Variants in MRI1 observed in about 807,000 individuals in gnomAD.
MRI1 encodes methylthioribose-1-phosphate isomerase 1, also known as methylthioribose-1-phosphate isomerase.
Under a neutral mutation model 27.3 loss-of-function variants are expected in MRI1, and 32 were observed. That is an observed-to-expected ratio of 1.17 (90% CI 0.88 to 1.57). The LOEUF (loss-of-function observed/expected upper bound fraction) is 1.57, where lower values mean the gene tolerates loss of function less well. Among genes scored for constraint, MRI1 ranks in the 40% most tolerant of loss-of-function variants. The pLI is 0.00. For synonymous variants in MRI1, 216 were observed against 227.4 expected (o/e 0.95, Z 0.45); for missense variants, 508 against 516.1 (o/e 0.98, Z 0.15).
intron 3 of MRI1, among the ~76,000 whole-genome samples, chr19:13,766,857 G>A (rs1032003795): frequency 6.6e-5 from 10 of 151,716 alleles, no homozygotes; most frequent in South Asian, 2.1e-4. Context: ...CAGGGAAGCA[G>A]AAGGAACAGT....
At chr19:13,768,522 C>G in intron 3 of MRI1, 39 bp from the exon 4 acceptor site, 3 of 1,594,250 alleles carry the variant, frequency 1.9e-6, no homozygotes, top group Non-Finnish European at 2.6e-6. Flanking sequence ...CTGTTTGCCC[C>G]TCCCCGGGGC....
At position 13,764,934 on chromosome 19, in the gene MRI1, G is replaced by A; in HGVS notation, c.196G>A (p.Gly66Ser). The A allele has an allele frequency of 2.7e-6, 4 of 1,496,064 alleles. No individual in the cohort carries two copies. The highest frequency in any genetic ancestry group is 3.5e-6 in the Non-Finnish European group (4 of 1,128,306). 92.7% of individuals were successfully genotyped at this position (1,496,064 alleles called of 1,614,324 possible). Residue 66 changes from glycine (G) to serine (S), a missense_variant, in exon 2 of 6, where the codon GGC becomes AGC. Physicochemically the swap from Gly to Ser is moderately conservative, Grantham distance 56. This residue lies in a region of MRI1 where 457 missense variants were observed against 452.8 expected (regional missense o/e 1.01). Transcript: ENST00000040663. ...CLSLAVELQA[G>S]AGGPGLAALV... ...CAGCCTCGCCGTGGAGCTGCAGGCGGGCGCCGGGGGACCGGGACTCGCCGC... is the reference window on the plus strand; with the variant it reads ...CAGCCTCGCCGTGGAGCTGCAGGCGAGCGCCGGGGGACCGGGACTCGCCGC...
intron 5 of MRI1, among the ~76,000 whole-genome samples, chr19:13,770,605 C>T (rs192831093): frequency 6.6e-6 from 1 of 151,618 alleles, no homozygotes; most frequent in East Asian, 1.9e-4. Flanking sequence ...AAAAAAAGGC[C>T]GAGCGCTGTG....
At chr19:13,766,528 G>C (rs576865084) in intron 3 of MRI1, among the ~76,000 whole-genome samples, 13 of 152,302 alleles carry the variant, frequency 8.5e-5, no homozygotes, top group African/African-American at 2.9e-4. Flanking sequence ...AGCCAGGGCA[G>C]GACGTGGACT....
chr19:13,769,703 C>G (rs1974229994), intron 5 of MRI1, among the ~76,000 whole-genome samples: 1 of 151,778 alleles, frequency 6.6e-6, no homozygotes, highest in Non-Finnish European at 1.5e-5. Flanking sequence ...GGGCAGATCA[C>G]AAGGTCAGGA....
intron 5 of MRI1, among the ~76,000 whole-genome samples, chr19:13,769,892 C>G (rs1974234268): frequency 6.6e-6 from 1 of 151,604 alleles, no homozygotes; most frequent in Non-Finnish European, 1.5e-5. Flanking sequence ...TGCACTCCAG[C>G]CTGGGCAACA....
At position 13,764,523 on chromosome 19, in the gene MRI1, C is replaced by T. The variant is rs922274666; in HGVS notation, c.-66C>T. ...GGGGGAGGCTCCGCCCACGGCCCCG[C>T]CCCGCTCCCAAGTGCGCGCGGACCC... is the stretch of plus-strand genomic sequence containing the variant. On this transcript the variant is annotated 5_prime_UTR_variant, in exon 1 of 6. Transcript: ENST00000040663. 5 of 1,581,116 alleles carry T rather than the reference C, an allele frequency of 3.2e-6. No homozygotes were observed. In the African/African-American group the frequency reaches 5.4e-5, roughly 17 times the overall value.
In MRI1 at chr19:13,774,219, C is replaced by T. The variant is rs906949110; in HGVS notation, c.*1938C>T. On this transcript the variant is annotated 3_prime_UTR_variant, in exon 6 of 6. Transcript: ENST00000040663. ...AGTCTGAGTTTTTATGTGTAAAGATCATAAAACGTTGTAAGTTTTCTAAAA... is the reference window on the plus strand; with the variant it reads ...AGTCTGAGTTTTTATGTGTAAAGATTATAAAACGTTGTAAGTTTTCTAAAA... 8 of 448,420 alleles carry T rather than the reference C, an allele frequency of 1.8e-5. No individual in the cohort carries two copies. The highest frequency in any genetic ancestry group is 3.2e-5 in the Non-Finnish European group (8 of 249,298). 27.8% of individuals were successfully genotyped at this position (448,420 alleles called of 1,614,324 possible).
chr19:13,770,768 A>G (rs1212431521), intron 5 of MRI1, among the ~76,000 whole-genome samples: 1 of 152,180 alleles, frequency 6.6e-6, no homozygotes, highest in Admixed American at 6.6e-5. Context: ...CTGTAACCCC[A>G]GCTACTCAGG....
At chr19:13,769,288 C>T (rs745590106) in intron 5 of MRI1, among the ~76,000 whole-genome samples, 1 of 152,216 alleles carries the variant, frequency 6.6e-6, no homozygotes, top group Non-Finnish European at 1.5e-5. Flanking sequence ...CTCAGCCCCC[C>T]AAGTAGCTGG....
intron 2 of MRI1, among the ~76,000 whole-genome samples, chr19:13,765,394 C>T (rs1210115927): frequency 6.6e-6 from 1 of 152,144 alleles, no homozygotes; most frequent in African/African-American, 2.4e-5. Context: ...CTTGGAGGCC[C>T]TTTTTAGTAT....
chr19:13,764,523 C>G lies in MRI1; in HGVS notation c.-66C>G. 6.3e-7 allele frequency: 1 copy of G among 1,581,234 alleles called. No homozygotes were observed. Among genetic ancestry groups the G allele is most frequent in the Non-Finnish European group, 8.6e-7 (1 of 1,165,702 alleles). On this transcript the variant is annotated 5_prime_UTR_variant, in exon 1 of 6. Transcript: ENST00000040663. ...GGGGGAGGCTCCGCCCACGGCCCCG[C>G]CCCGCTCCCAAGTGCGCGCGGACCC...
chr19:13,770,322 C>T (rs750078832), intron 5 of MRI1, among the ~76,000 whole-genome samples: 2 of 152,200 alleles, frequency 1.3e-5, no homozygotes, highest in East Asian at 1.9e-4. Flanking sequence ...CCGTGGCTCA[C>T]GCCTATAATC....
chr19:13,768,372 C>A (rs771477499), intron 3 of MRI1, 189 bp from the exon 4 acceptor site: 4 of 1,468,798 alleles, frequency 2.7e-6, no homozygotes, highest in South Asian at 2.4e-5. Context: ...TGAAACGGAG[C>A]TATGCGAGCA....
chr19:13,767,027 A>ATT (rs1974142286), intron 3 of MRI1, among the ~76,000 whole-genome samples: 1 of 17,536 alleles, frequency 5.7e-5, no homozygotes, highest in Non-Finnish European at 1.3e-4. Context: ...ATATATATAT[A>ATT]TATATATATA....
chr19:13,765,832 C>A, intron 2 of MRI1, 122 bp from the exon 3 acceptor site: 1 of 1,127,030 alleles, frequency 8.9e-7, no homozygotes, highest in Non-Finnish European at 1.3e-6. Flanking sequence ...AGGGTCCAGG[C>A]CCCACAGCAA....
rs747443089 is a variant in MRI1 at position 13,772,292 on chromosome 19, T to A, written c.*11T>A. ...GGACCCCAGATGTAACCAACTCAGC[T>A]CTCCCTAGCCTGCCTCTCTAGGTTT... is the stretch of plus-strand genomic sequence containing the variant. On this transcript the variant is annotated 3_prime_UTR_variant, in exon 6 of 6. Coordinates refer to ENST00000040663, the MANE Select transcript of MRI1 (RefSeq NM_001031727.4). 2 of 1,608,646 alleles carry A rather than the reference T, an allele frequency of 1.2e-6. No individual in the cohort carries two copies. The highest frequency in any genetic ancestry group is 1.7e-6 in the Non-Finnish European group (2 of 1,177,566).
chr19:13,764,534 AG>A lies in MRI1; in HGVS notation c.-54del. On this transcript the variant is annotated 5_prime_UTR_variant, in exon 1 of 6. It adds an upstream start codon to the 5' untranslated region. Coordinates refer to ENST00000040663, the MANE Select transcript of MRI1 (RefSeq NM_001031727.4). ...CGCCCACGGCCCCGCCCCGCTCCCA[AG>A]TGCGCGCGGACCCCTAGCTCCCTCT... The A allele has an allele frequency of 1.3e-6, 2 of 1,586,944 alleles. No individual in the cohort carries two copies. The highest frequency in any genetic ancestry group is 1.7e-6 in the Non-Finnish European group (2 of 1,168,164).
rs969232764 is a variant in MRI1 at position 13,764,996 on chromosome 19, C to G, written c.258C>G (p.Leu86=). Residue 86 remains leucine, a synonymous_variant, in exon 2 of 6, where the codon CTC becomes CTG. Coordinates refer to ENST00000040663, the MANE Select transcript of MRI1 (RefSeq NM_001031727.4). ...VAFVRDKLSF[L]VTARPTAVNM... Reference sequence around the variant, plus strand: ...TCGTGCGCGACAAGCTGAGCTTCCTCGTCACCGCCCGGCCCACCGCTGTCA... The same window carrying G: ...TCGTGCGCGACAAGCTGAGCTTCCTGGTCACCGCCCGGCCCACCGCTGTCA... 2 of 1,522,290 alleles carry G rather than the reference C, an allele frequency of 1.3e-6. No individual in the cohort carries two copies. Among genetic ancestry groups the G allele is most frequent in the Non-Finnish European group, 1.8e-6 (2 of 1,140,658 alleles). 94.3% of individuals were successfully genotyped at this position (1,522,290 alleles called of 1,614,324 possible).
Sources: allele counts gnomAD v4.1 joint callset (sites outside exome capture counted in the v4.1 genomes callset), GRCh38; gene constraint gnomAD v4.1.1; regional missense constraint gnomAD v4.1.1; transcripts MANE v1.5; gene names NCBI Gene and HGNC (gene_info 2026-07-23, HGNC 2026-07-21).